UGT1A9: variants seen among roughly 807,000 people sequenced by gnomAD.
UGT1A9 encodes the protein UDP-glucuronosyltransferase 1A9.
A neutral mutation model predicts 45.0 loss-of-function variants in UGT1A9; 35 were observed. The ratio of observed to expected loss-of-function variants is 0.78; its 90% CI spans 0.59 to 1.03. The LOEUF is 1.03. Among genes scored for constraint, UGT1A9 ranks in the 50% least tolerant of loss-of-function variants. The pLI, the probability that UGT1A9 is intolerant of heterozygous loss-of-function variation, is 0.00. For missense variants in UGT1A9, 687 were observed against 666.6 expected, an observed-to-expected ratio of 1.03 and a Z score of -0.34; for synonymous variants, 278 against 250.6, an observed-to-expected ratio of 1.11 and a Z score of -1.03.
intron 1 of UGT1A9, among the ~76,000 whole-genome samples, chr2:233,676,783 G>A (rs2074371517): frequency 6.6e-6 from 1 of 152,136 alleles, no homozygotes; most frequent in African/African-American, 2.4e-5. Flanking sequence ...AAGACACAGA[G>A]GTCTTTTCTT....
chr2:233,718,024 G>C (rs566004281), intron 1 of UGT1A9: 1 of 386,248 alleles, frequency 2.6e-6, no homozygotes, highest in East Asian at 7.2e-5. Flanking sequence ...CAGCTCCCCA[G>C]GTCCTTTGGT....
chr2:233,704,256 C>CTAT (rs1553607930), intron 1 of UGT1A9, among the ~76,000 whole-genome samples: 4 of 123,680 alleles, frequency 3.2e-5, no homozygotes, highest in African/African-American at 1.3e-4. Context: ...GCCTTTATTG[C>CTAT]TTTTTTTTTT....
chr2:233,761,935 G>A (rs1036526239), intron 1 of UGT1A9, among the ~76,000 whole-genome samples: 1 of 152,192 alleles, frequency 6.6e-6, no homozygotes, highest in African/African-American at 2.4e-5. Context: ...GCACTTCCCA[G>A]GTGCTGCGTC....
At chr2:233,709,335 C>T (rs1308600702) in intron 1 of UGT1A9, among the ~76,000 whole-genome samples, 1 of 152,154 alleles carries the variant, frequency 6.6e-6, no homozygotes, top group African/African-American at 2.4e-5. Flanking sequence ...ACTAGTTTGT[C>T]ATATAAACCT....
At chr2:233,739,657 C>A (rs772609637) in intron 1 of UGT1A9, among the ~76,000 whole-genome samples, 1 of 152,202 alleles carries the variant, frequency 6.6e-6, no homozygotes, top group Admixed American at 6.5e-5. Context: ...TTCTGTACCC[C>A]CATTGTGTCT....
At chr2:233,673,117 A>G (rs1199147499) in intron 1 of UGT1A9, among the ~76,000 whole-genome samples, 9 of 152,186 alleles carry the variant, frequency 5.9e-5, no homozygotes, top group Admixed American at 5.2e-4. Context: ...CCCAGAGGAA[A>G]TGGTCTTAGT....
Position 233,699,187 on chromosome 2 carries a change from T to C in UGT1A9, c.855+26398T>C, listed in dbSNP as rs28898580. ...CTGTCTCTCTGATCCTCACTTCTTC[T>C]TCAGAATCTCATGCTGTTGCATGAA... On this transcript the variant is annotated intron_variant, in intron 1 of 4. Transcript: ENST00000354728. 4.1e-3 allele frequency among the ~76,000 whole-genome samples: 631 copies of C among 152,270 alleles called. 4 individuals are homozygous for C. The highest frequency in any genetic ancestry group is 0.015 in the African/African-American group (604 of 41,566).
intron 1 of UGT1A9, among the ~76,000 whole-genome samples, chr2:233,674,733 A>G (rs1288946256): frequency 6.6e-6 from 1 of 152,220 alleles, no homozygotes; most frequent in Non-Finnish European, 1.5e-5. Flanking sequence ...GGAAGATTAC[A>G]TATATTAATG....
intron 4 of UGT1A9, chr2:233,770,393 C>G (rs1386962280): frequency 3.3e-5 from 5 of 152,162 alleles, no homozygotes; most frequent in Admixed American, 3.3e-4. Context: ...GTGGCTCATG[C>G]CTGTAGTCCC....
At chr2:233,748,205 G>C in intron 1 of UGT1A9, 1 of 1,514,056 alleles carries the variant, frequency 6.6e-7, no homozygotes, top group South Asian at 1.3e-5. Flanking sequence ...TGTCGTAATA[G>C]CCTTCAGTGA....
chr2:233,703,444 G>A (rs765581131), intron 1 of UGT1A9, among the ~76,000 whole-genome samples: 11 of 151,692 alleles, frequency 7.3e-5, no homozygotes, highest in Non-Finnish European at 1.0e-4. Context: ...TTTCTATGTC[G>A]TTAATTTCCC....
intron 1 of UGT1A9, among the ~76,000 whole-genome samples, chr2:233,698,716 A>C (rs2075457689): frequency 1.3e-5 from 2 of 152,260 alleles, no homozygotes; most frequent in South Asian, 4.1e-4. Context: ...AAGCCTTTTG[A>C]AAACCATAGC....
In UGT1A9 at chr2:233,728,656, G is replaced by C. The variant is rs187762667; in HGVS notation, c.856-38378G>C. Among the ~76,000 whole-genome samples, 9 of 152,298 alleles carry C rather than the reference G, an allele frequency of 5.9e-5. No homozygotes were observed. In the East Asian group the frequency reaches 1.4e-3, roughly 23 times the overall value. On this transcript the variant is annotated intron_variant, in intron 1 of 4. Coordinates refer to ENST00000354728, the MANE Select transcript of UGT1A9 (RefSeq NM_021027.3). ...GCAATGTTGTATGGTTTTTGGATGC[G>C]CTGCGTTACTCATACATGAGAAGAA...
chr2:233,676,159 AC>A (rs2074349628), intron 1 of UGT1A9, among the ~76,000 whole-genome samples: 1 of 152,074 alleles, frequency 6.6e-6, no homozygotes. Flanking sequence ...AGACTCCAAA[AC>A]CATTTGTGGA....
chr2:233,765,059 C>A (rs917650453), intron 1 of UGT1A9, among the ~76,000 whole-genome samples: 1 of 152,076 alleles, frequency 6.6e-6, no homozygotes, highest in African/African-American at 2.4e-5. Context: ...TGAGCCCTGT[C>A]AGAGGTCTCC....
intron 1 of UGT1A9, among the ~76,000 whole-genome samples, chr2:233,699,942 G>A (rs1486156944): frequency 6.6e-6 from 1 of 152,228 alleles, no homozygotes; most frequent in African/African-American, 2.4e-5. Flanking sequence ...GTTGAAAGTT[G>A]TACAATGTGT....
intron 1 of UGT1A9, among the ~76,000 whole-genome samples, chr2:233,751,287 T>G (rs1462877412): frequency 6.6e-6 from 1 of 151,922 alleles, no homozygotes; most frequent in Admixed American, 6.5e-5. Context: ...GTTTCTCCCA[T>G]TTGGAATGGG....
At chr2:233,748,742 C>T (rs533880197) in intron 1 of UGT1A9, among the ~76,000 whole-genome samples, 32 of 151,508 alleles carry the variant, frequency 2.1e-4, no homozygotes, top group African/African-American at 6.3e-4. Flanking sequence ...TCTCAGAGTT[C>T]GGAAGGCATA....
intron 1 of UGT1A9, among the ~76,000 whole-genome samples, chr2:233,697,329 T>C (rs545927444): frequency 6.6e-6 from 1 of 152,134 alleles, no homozygotes; most frequent in Non-Finnish European, 1.5e-5. Flanking sequence ...TTTGGAAATG[T>C]ATCCATTTCC....
Sources: allele counts gnomAD v4.1 joint callset (sites outside exome capture counted in the v4.1 genomes callset), GRCh38; gene constraint gnomAD v4.1.1; transcripts MANE v1.5; gene names NCBI Gene and HGNC (gene_info 2026-07-23, HGNC 2026-07-21).